The following SAFB variants were observed in gnomAD, a reference collection of about 807,000 sequenced individuals.
SAFB encodes scaffold attachment factor B1.
SAFB carries 15 observed loss-of-function variants against 101.6 expected under a neutral mutation model. The observed-to-expected ratio is 0.15, with a 90% CI of 0.10 to 0.23. The LOEUF (loss-of-function observed/expected upper bound fraction) is 0.23, where lower values mean the gene tolerates loss of function less well. Among genes scored for constraint, SAFB ranks in the 10% least tolerant of loss-of-function variants. SAFB has a pLI of 1.00. For synonymous variants in SAFB, 449 were observed against 407.5 expected (o/e 1.10, Z -1.23); for missense variants, 930 against 1,104.1 (o/e 0.84, Z 2.23).
intron 14 of SAFB, 94 bp downstream of exon 14, chr19:5,657,441 A>AT (rs2054088821): frequency 1.2e-6 from 1 of 818,756 alleles, no homozygotes; most frequent in Non-Finnish European, 2.0e-6. Flanking sequence ...CTGGGGTGGG[A>AT]TAGAGCTGTG....
chr19:5,662,749 T>G (rs986906632), intron 15 of SAFB, among the ~76,000 whole-genome samples: 1 of 150,256 alleles, frequency 6.7e-6, no homozygotes, highest in African/African-American at 2.5e-5. Context: ...CAAGCGATTC[T>G]CCTGCCTCAG....
At chr19:5,635,578 A>G (rs894417905) in intron 2 of SAFB, among the ~76,000 whole-genome samples, 1 of 152,144 alleles carries the variant, frequency 6.6e-6, no homozygotes, top group Non-Finnish European at 1.5e-5. Context: ...GTATATTTGC[A>G]TAATTAGGGA....
rs759652174 is a variant in SAFB, at chr19:5,664,059, G to C, written c.2191G>C (p.Ala731Pro). The change falls in exon 16 of 21, where the codon GCC becomes CCC. Residue 731 changes from alanine (A) to proline (P), a missense_variant. By Grantham distance (27) the Ala-to-Pro change is conservative. Transcript: ENST00000588852. The stretch of plus-strand genomic sequence containing the variant: ...CTATTGGCCGGAAGCCAAGCGGGCC[G>C]CCCTGGATGAGCGCTACCATTCTGA... The part of the protein sequence containing the change: ...DAYWPEAKRA[A>P]LDERYHSDFN... 1.9e-6 allele frequency: 3 copies of C among 1,613,878 alleles called. No homozygotes were observed. The African/African-American group carries it at 4.0e-5, about 22-fold the overall frequency.
chr19:5,632,747 T>C (rs913142630), intron 2 of SAFB, among the ~76,000 whole-genome samples: 1 of 152,140 alleles, frequency 6.6e-6, no homozygotes, highest in Non-Finnish European at 1.5e-5. Context: ...TTTTGTTTTG[T>C]TTTGGTTTGA....
rs1485255325 is a variant in SAFB, at chr19:5,654,348, T to C, written c.1667-20T>C. 1 of 1,603,604 alleles carries C rather than the reference T, an allele frequency of 6.2e-7. No individual in the cohort carries two copies. The highest frequency in any genetic ancestry group is 1.7e-5 in the Admixed American group (1 of 59,950). On this transcript the variant is annotated intron_variant, in intron 12 of 20. Coordinates refer to ENST00000588852, the MANE Select transcript of SAFB (RefSeq NM_001201338.2). ...GGTATTCTTGGTTTTCCACTTACAC[T>C]TTCCCCGTCTTTTCTGTAGGAAGTC...
At chr19:5,657,017 C>T (rs1052330714) in intron 13 of SAFB, among the ~76,000 whole-genome samples, 9 of 151,978 alleles carry the variant, frequency 5.9e-5, no homozygotes, top group African/African-American at 2.2e-4. Context: ...GTGATCTGTC[C>T]GTCTCAGCCT....
intron 5 of SAFB, among the ~76,000 whole-genome samples, chr19:5,647,303 G>T (rs543225341): frequency 6.6e-6 from 1 of 152,338 alleles, no homozygotes; most frequent in Admixed American, 6.5e-5. Flanking sequence ...GTCAGGGAGG[G>T]AGGTGGCATA....
chr19:5,629,214 T>A (rs1183215414), intron 2 of SAFB, among the ~76,000 whole-genome samples: 4 of 152,192 alleles, frequency 2.6e-5, no homozygotes, highest in Non-Finnish European at 5.9e-5. Context: ...TGTTTAAAAG[T>A]AAACTTAGGC....
intron 13 of SAFB, among the ~76,000 whole-genome samples, chr19:5,656,251 TTTATTTTA>T (rs1170140187): frequency 2.6e-5 from 4 of 152,088 alleles, no homozygotes; most frequent in Admixed American, 6.5e-5. Context: ...TTTTCATTTT[TTTATTTTA>T]TTATTTATTT....
chr19:5,633,543 G>A (rs1324280790), intron 2 of SAFB, among the ~76,000 whole-genome samples: 1 of 152,164 alleles, frequency 6.6e-6, no homozygotes, highest in African/African-American at 2.4e-5. Context: ...ACTTTGGGAG[G>A]CCGAGGCAGG....
intron 11 of SAFB, 42 bp from the exon 12 acceptor site, chr19:5,654,019 G>T: frequency 6.2e-7 from 1 of 1,603,896 alleles, no homozygotes; most frequent in South Asian, 1.1e-5. Flanking sequence ...GGGAATACAG[G>T]CATGAGCCAC....
At chr19:5,655,671 A>T (rs1252809842) in intron 13 of SAFB, among the ~76,000 whole-genome samples, 1 of 152,068 alleles carries the variant, frequency 6.6e-6, no homozygotes, top group Non-Finnish European at 1.5e-5. Context: ...AGGAGGAACC[A>T]TTTCACTTGG....
intron 5 of SAFB, 86 bp from the exon 6 acceptor site, chr19:5,647,930 C>G: frequency 8.1e-7 from 1 of 1,233,358 alleles, no homozygotes; most frequent in Non-Finnish European, 1.2e-6. Flanking sequence ...TTTTAAAATT[C>G]CCTCTTTAGT....
chr19:5,664,155 G>T lies in SAFB; in HGVS notation c.2287G>T (p.Asp763Tyr). The change falls in exon 16 of 21, where the codon GAC becomes TAC. Residue 763 changes from aspartate (D) to tyrosine (Y), a missense_variant. Asp to Tyr is a radical substitution (Grantham distance 160). Transcript: ENST00000588852. ...DRGRYPDHSV[D>Y]RREGSRSMMG... ...CGGCCGCTACCCCGACCACTCGGTGGACAGGTCAGTTGGGCCCCTGCTGGG... is the reference window on the plus strand; with the variant it reads ...CGGCCGCTACCCCGACCACTCGGTGTACAGGTCAGTTGGGCCCCTGCTGGG... 1.9e-6 allele frequency: 3 copies of T among 1,613,758 alleles called. 1 individual carries two copies. The highest frequency in any genetic ancestry group is 2.5e-6 in the Non-Finnish European group (3 of 1,179,972).
intron 2 of SAFB, among the ~76,000 whole-genome samples, chr19:5,635,520 C>T (rs1399862531): frequency 6.6e-6 from 1 of 152,054 alleles, no homozygotes; most frequent in Non-Finnish European, 1.5e-5. Context: ...TTTATACTTC[C>T]TATACTTAGG....
rs754108050 is a variant in SAFB, at chr19:5,623,435, G to A, written c.189+41G>A. The A allele has an allele frequency of 3.9e-6, 6 of 1,555,512 alleles. No individual in the cohort carries two copies. In the East Asian group the frequency reaches 9.4e-5, roughly 24 times the overall value. On this transcript the variant is annotated intron_variant, in intron 1 of 20. Coordinates refer to ENST00000588852, the MANE Select transcript of SAFB (RefSeq NM_001201338.2). The stretch of plus-strand genomic sequence containing the variant: ...CGAGGGCGGGCACAGGGTGGGTCTG[G>A]GGTCCTCTTGGCCGCGACGGTGGCT...
intron 2 of SAFB, among the ~76,000 whole-genome samples, chr19:5,630,525 G>C (rs771840570): frequency 1.4e-4 from 21 of 152,168 alleles, no homozygotes; most frequent in Non-Finnish European, 2.9e-4. Flanking sequence ...ATCCCACGAT[G>C]CAGGTGGATC....
chr19:5,642,005 A>G (rs1389730677), intron 4 of SAFB, 59 bp downstream of exon 4: 1 of 1,334,872 alleles, frequency 7.5e-7, no homozygotes. Flanking sequence ...CACAATTAAA[A>G]TAGGTGATCA....
intron 8 of SAFB, among the ~76,000 whole-genome samples, 195 bp from the exon 9 acceptor site, chr19:5,650,783 G>T (rs946489917): frequency 1.2e-4 from 18 of 152,148 alleles, no homozygotes; most frequent in Non-Finnish European, 2.6e-4. Flanking sequence ...CGGGCCCTGT[G>T]GTAGTGCTGC....
Sources: gnomAD v4.1 joint callset for allele counts (sites outside exome capture counted in the v4.1 genomes callset) on GRCh38, gnomAD v4.1.1 for gene constraint, MANE v1.5 for transcripts, NCBI Gene and HGNC (gene_info 2026-07-23, HGNC 2026-07-21) for gene names.